The following FUT8 variants were observed in gnomAD, a reference collection of about 807,000 sequenced individuals.
FUT8 encodes the protein fucosyltransferase 8, also known as alpha-(1,6)-fucosyltransferase.
FUT8 carries 29 observed loss-of-function variants against 71.3 expected under a neutral mutation model. The observed-to-expected ratio is 0.41, with a 90% CI of 0.30 to 0.55. The LOEUF (loss-of-function observed/expected upper bound fraction) is 0.55, where lower values mean the gene tolerates loss of function less well. FUT8 is among the 20% of genes least tolerant of loss of function. FUT8 has a pLI of 0.34. For synonymous variants in FUT8, 254 were observed against 239.3 expected (o/e 1.06, Z -0.57); for missense variants, 544 against 702.1 (o/e 0.77, Z 2.55).
chr14:65,543,502 G>T (rs1351288207), intron 2 of FUT8, among the ~76,000 whole-genome samples: 1 of 152,086 alleles, frequency 6.6e-6, no homozygotes, highest in Non-Finnish European at 1.5e-5. Context: ...AAGCCAATTT[G>T]TGTTATAATA....
intron 2 of FUT8, among the ~76,000 whole-genome samples, chr14:65,525,344 T>C (rs1459725666): frequency 1.3e-5 from 2 of 152,240 alleles, no homozygotes; most frequent in African/African-American, 4.8e-5. Flanking sequence ...TTCTAGTTTA[T>C]TTGCATAGAG....
intron 6 of FUT8, among the ~76,000 whole-genome samples, chr14:65,636,814 A>AGAGTTTAGT (rs1345341279): frequency 6.6e-6 from 1 of 152,186 alleles, no homozygotes; most frequent in Non-Finnish European, 1.5e-5. Flanking sequence ...TTGGGCAACT[A>AGAGTTTAGT]GAGTTTAGTG....
At chr14:65,512,405 A>T (rs1156970197) in intron 2 of FUT8, among the ~76,000 whole-genome samples, 1 of 152,062 alleles carries the variant, frequency 6.6e-6, no homozygotes, top group African/African-American at 2.4e-5. Context: ...GCCTCAAGAG[A>T]TCCCCTGCCT....
At chr14:65,699,216 A>C (rs1157522322) in intron 7 of FUT8, among the ~76,000 whole-genome samples, 1 of 151,064 alleles carries the variant, frequency 6.6e-6, no homozygotes, top group Non-Finnish European at 1.5e-5. Context: ...GCAGAAACAC[A>C]TGCCCATTCA....
chr14:65,628,416 T>C (rs1890009680), intron 5 of FUT8, among the ~76,000 whole-genome samples: 2 of 152,208 alleles, frequency 1.3e-5, no homozygotes, highest in African/African-American at 2.4e-5. Context: ...GAACAGACTT[T>C]AGATGTAGGC....
In FUT8 at chr14:65,497,870, GA is replaced by G. The variant is rs891735485; in HGVS notation, c.-228+42155del. ...AGTTTATAGTCTCCGAATAGGGTGG[GA>G]AAGGAGAGCAGATTGAGAATGTGCT... On this transcript the variant is annotated intron_variant, in intron 2 of 10. Coordinates refer to ENST00000673929, the MANE Select transcript of FUT8 (RefSeq NM_001371533.1). 1.5e-3 allele frequency among the ~76,000 whole-genome samples: 231 copies of G among 152,156 alleles called. 2 individuals carry two copies. Among genetic ancestry groups the G allele is most frequent in the African/African-American group, 5.3e-3 (219 of 41,494 alleles).
intron 3 of FUT8, among the ~76,000 whole-genome samples, chr14:65,575,176 G>A (rs946932334): frequency 2.0e-5 from 3 of 151,860 alleles, no homozygotes; most frequent in African/African-American, 7.3e-5. Flanking sequence ...TTTGCAAGTA[G>A]TAAAGAAATT....
At chr14:65,640,554 C>G (rs972178917) in intron 6 of FUT8, among the ~76,000 whole-genome samples, 1 of 151,992 alleles carries the variant, frequency 6.6e-6, no homozygotes, top group African/African-American at 2.4e-5. Flanking sequence ...AGTATTTACT[C>G]ATATTATTTT....
intron 2 of FUT8, among the ~76,000 whole-genome samples, chr14:65,530,662 T>A (rs996245837): frequency 6.6e-6 from 1 of 152,088 alleles, no homozygotes; most frequent in East Asian, 1.9e-4. Flanking sequence ...TAATATTAGT[T>A]ACCAGTCAAC....
Position 65,653,443 on chromosome 14 carries a change from GAAGAA to G in FUT8, c.598-15788_598-15784del, listed in dbSNP as rs372967197. 9.6e-3 allele frequency among the ~76,000 whole-genome samples: 1,462 copies of G among 152,156 alleles called. 19 individuals are homozygous for G. Among genetic ancestry groups the G allele is most frequent in the Non-Finnish European group, 0.014 (940 of 68,016 alleles). ...ATATGTTTAATAAATGCCTTATTTT[GAAGAA>G]AAGAAAAGAAATTGAAGAAGTGACA... On this transcript the variant is annotated intron_variant, in intron 6 of 10. Coordinates refer to ENST00000673929, the MANE Select transcript of FUT8 (RefSeq NM_001371533.1).
the FUT8 span, among the ~76,000 whole-genome samples, chr14:65,368,117 G>A: frequency 6.9e-6 from 1 of 144,010 alleles, no homozygotes; most frequent in Non-Finnish European, 1.5e-5. Flanking sequence ...GCAGTGGTGC[G>A]ATCTCGGCTT....
chr14:65,598,348 A>G (rs1888106754), intron 3 of FUT8, among the ~76,000 whole-genome samples: 1 of 151,802 alleles, frequency 6.6e-6, no homozygotes, highest in South Asian at 2.1e-4. Flanking sequence ...TCAGCCTCCC[A>G]AGTAGCTGGG....
the FUT8 span, among the ~76,000 whole-genome samples, chr14:65,357,449 A>G: frequency 6.6e-6 from 1 of 152,234 alleles, no homozygotes; most frequent in African/African-American, 2.4e-5. Flanking sequence ...ATTCACTGCT[A>G]GAATACTCGA....
intron 1 of FUT8, among the ~76,000 whole-genome samples, chr14:65,454,459 T>G (rs2065870222): frequency 6.6e-6 from 1 of 152,180 alleles, no homozygotes; most frequent in African/African-American, 2.4e-5. Context: ...AGACCCAGTC[T>G]CTACAATAAA....
chr14:65,689,785 C>T (rs1439250422), intron 7 of FUT8, among the ~76,000 whole-genome samples: 1 of 152,212 alleles, frequency 6.6e-6, no homozygotes, highest in Non-Finnish European at 1.5e-5. Context: ...GATCCGCCCA[C>T]CTCGGCCTCC....
At chr14:65,370,130 T>TA in the FUT8 span, among the ~76,000 whole-genome samples, 116 of 139,428 alleles carry the variant, frequency 8.3e-4, no homozygotes, top group Admixed American at 1.3e-3. Context: ...TTTCTCCCAT[T>TA]AAAAAAAAAA....
intron 1 of FUT8, among the ~76,000 whole-genome samples, chr14:65,439,952 G>A (rs1183823014): frequency 6.3e-4 from 24 of 38,216 alleles, no homozygotes; most frequent in Non-Finnish European, 1.2e-3. Context: ...GTGTGTGTGT[G>A]TGTATATATA....
chr14:65,586,926 C>T (rs894817219), intron 3 of FUT8, among the ~76,000 whole-genome samples: 3 of 152,126 alleles, frequency 2.0e-5, no homozygotes, highest in South Asian at 2.1e-4. Context: ...CTGTGGCTCA[C>T]GCCTGTAATC....
chr14:65,516,241 A>T (rs1344055393), intron 2 of FUT8: 1 of 152,188 alleles, frequency 6.6e-6, no homozygotes, highest in African/African-American at 2.4e-5. Context: ...GACATGTTAC[A>T]GCTCCTTATT....
Sources: allele counts gnomAD v4.1 joint callset (sites outside exome capture counted in the v4.1 genomes callset), GRCh38; gene constraint gnomAD v4.1.1; transcripts MANE v1.5; gene names NCBI Gene and HGNC (gene_info 2026-07-23, HGNC 2026-07-21).